The following NTM variants were observed in gnomAD, a reference collection of about 807,000 sequenced individuals.
NTM encodes the protein neurotrimin.
NTM carries 13 observed loss-of-function variants against 42.1 expected under a neutral mutation model. The ratio of observed to expected loss-of-function variants is 0.31; its 90% CI spans 0.20 to 0.49. The LOEUF (loss-of-function observed/expected upper bound fraction) is 0.49, where lower values mean the gene tolerates loss of function less well. NTM is among the 20% of genes least tolerant of loss of function. The pLI is 0.99. For missense variants in NTM, 373 were observed against 452.8 expected (o/e 0.82, Z 1.60); for synonymous variants, 187 against 179.2 (o/e 1.04, Z -0.35).
chr11:131,574,563 T>A (rs1309672702), intron 1 of NTM, among the ~76,000 whole-genome samples: 1 of 109,138 alleles, frequency 9.2e-6, no homozygotes, highest in African/African-American at 3.7e-5. Context: ...TGTGCTTGAG[T>A]GTGTGTGTGT....
At chr11:131,759,329 G>A (rs1204260014) in intron 1 of NTM, among the ~76,000 whole-genome samples, 1 of 152,172 alleles carries the variant, frequency 6.6e-6, no homozygotes. Flanking sequence ...TATTTCTGGG[G>A]CTGCAAAACC....
chr11:132,214,290 C>T (rs1260685484), intron 4 of NTM, among the ~76,000 whole-genome samples: 4 of 152,116 alleles, frequency 2.6e-5, no homozygotes, highest in East Asian at 1.9e-4. Flanking sequence ...CCAGTGCTGG[C>T]GGATGCCAGC....
chr11:131,888,556 G>T (rs1049212763), intron 1 of NTM, among the ~76,000 whole-genome samples: 11 of 151,932 alleles, frequency 7.2e-5, no homozygotes, highest in African/African-American at 2.7e-4. Context: ...GGTCTCTTGT[G>T]GTACCTGCCT....
chr11:132,050,259 G>A (rs1164577310), intron 2 of NTM, among the ~76,000 whole-genome samples: 1 of 152,306 alleles, frequency 6.6e-6, no homozygotes, highest in South Asian at 2.1e-4. Context: ...AGCAGCTGGA[G>A]AGGGAAGTTA....
At chr11:131,524,012 C>A (rs1266293039) in intron 1 of NTM, among the ~76,000 whole-genome samples, 1 of 152,070 alleles carries the variant, frequency 6.6e-6, no homozygotes, top group African/African-American at 2.4e-5. Flanking sequence ...AGCAATAATT[C>A]GGGTAGTGTG....
chr11:131,789,105 T>C (rs79511973), intron 1 of NTM, among the ~76,000 whole-genome samples: 4,748 of 152,142 alleles, frequency 0.031, 262 homozygotes, highest in African/African-American at 0.11. Flanking sequence ...CTTGACCGAA[T>C]ACAGGAGTCT....
intron 2 of NTM, among the ~76,000 whole-genome samples, chr11:131,963,404 G>A (rs1423634881): frequency 1.3e-5 from 2 of 152,154 alleles, no homozygotes; most frequent in Non-Finnish European, 2.9e-5. Flanking sequence ...TTGTTATACT[G>A]GGTGTTAAAG....
At chr11:132,181,124 A>G (rs990311742) in intron 3 of NTM, among the ~76,000 whole-genome samples, 1 of 152,146 alleles carries the variant, frequency 6.6e-6, no homozygotes, top group Admixed American at 6.5e-5. Context: ...AGTTGCTACC[A>G]CTGTCCTTAC....
Position 131,433,721 on chromosome 11 carries a change from T to C in NTM, c.82+62833T>C, listed in dbSNP as rs988028054. Among the ~76,000 whole-genome samples the C allele has an allele frequency of 6.6e-5, 10 of 152,202 alleles. 1 individual carries two copies. The highest frequency in any genetic ancestry group is 6.5e-4 in the Admixed American group (10 of 15,276). On this transcript the variant is annotated intron_variant, in intron 1 of 8. Transcript: ENST00000683400. The stretch of plus-strand genomic sequence containing the variant: ...TTGTATGAGTTCTAGATATTTTTTT[T>C]TCCTTAGGAAGATTTTAGGCCACTC...
intron 2 of NTM, among the ~76,000 whole-genome samples, chr11:132,144,778 C>A (rs1346972330): frequency 6.6e-6 from 1 of 152,182 alleles, no homozygotes. Flanking sequence ...AGAGAGCCCA[C>A]CTCTCATCTG....
intron 2 of NTM, among the ~76,000 whole-genome samples, chr11:131,999,995 T>C (rs1007744367): frequency 6.6e-6 from 1 of 152,120 alleles, no homozygotes; most frequent in Non-Finnish European, 1.5e-5. Context: ...TTCTTTTTCT[T>C]TTTTCCCCTT....
chr11:131,666,441 A>G (rs1437161463), intron 1 of NTM, among the ~76,000 whole-genome samples: 4 of 152,176 alleles, frequency 2.6e-5, no homozygotes. Context: ...TGACCATAAT[A>G]TACCACAAAT....
chr11:131,689,303 C>A (rs377202816), intron 1 of NTM, among the ~76,000 whole-genome samples: 1 of 152,184 alleles, frequency 6.6e-6, no homozygotes, highest in Non-Finnish European at 1.5e-5. Context: ...TGCCTCCCCA[C>A]CCAGTATTGC....
rs144172195 is a variant in NTM, at chr11:132,024,553, G to A, written c.167+112905G>A. 1.8e-3 allele frequency among the ~76,000 whole-genome samples: 277 copies of A among 152,114 alleles called. 5 individuals are homozygous for A. Among genetic ancestry groups the A allele is most frequent in the East Asian group, 9.6e-4 (5 of 5,184 alleles). ...GTTGGTTTTGTTTTTGAATAGTTTCGATCCCCAGTTGGTTGAATCTATGCA... is the reference window on the plus strand; with the variant it reads ...GTTGGTTTTGTTTTTGAATAGTTTCAATCCCCAGTTGGTTGAATCTATGCA... On this transcript the variant is annotated intron_variant, in intron 2 of 8. Coordinates refer to ENST00000683400, the MANE Select transcript of NTM (RefSeq NM_001352005.2).
intron 1 of NTM, among the ~76,000 whole-genome samples, chr11:131,444,203 C>CAAAAAAAAAAAAAAAAAA (rs71475757): frequency 2.0e-5 from 1 of 49,516 alleles, no homozygotes; most frequent in Non-Finnish European, 3.6e-5. Context: ...AGGTTAGAAC[C>CAAAAAAAAAAAAAAAAAA]AAAAAAAAAA....
chr11:131,873,162 C>A (rs1409388918), intron 1 of NTM, among the ~76,000 whole-genome samples: 1 of 152,136 alleles, frequency 6.6e-6, no homozygotes, highest in African/African-American at 2.4e-5. Context: ...CACATATACA[C>A]CATGGAATAC....
Position 132,291,588 on chromosome 11 carries a change from A to G in NTM, c.527-16101A>G, listed in dbSNP as rs183974436. Among the ~76,000 whole-genome samples, 243 of 152,328 alleles carry G rather than the reference A, an allele frequency of 1.6e-3. 4 individuals are homozygous for G. Among genetic ancestry groups the G allele is most frequent in the Admixed American group, 1.6e-3 (25 of 15,300 alleles). On this transcript the variant is annotated intron_variant, in intron 4 of 8. Transcript: ENST00000683400. ...GCCATAAACCTGAATGTTCAAAGCC[A>G]CAGAATAAATGATATTGCCTGGGAA...
At chr11:131,872,231 C>A (rs1323345741) in intron 1 of NTM, among the ~76,000 whole-genome samples, 1 of 152,166 alleles carries the variant, frequency 6.6e-6, no homozygotes, top group Non-Finnish European at 1.5e-5. Flanking sequence ...CTTGGGCCAG[C>A]CTTTAATTAA....
intron 1 of NTM, among the ~76,000 whole-genome samples, chr11:131,779,930 C>T (rs1044970064): frequency 5.3e-5 from 8 of 152,078 alleles, no homozygotes; most frequent in African/African-American, 1.9e-4. Flanking sequence ...CAAGGGGGAA[C>T]AGCACGGGTG....
Sources: allele counts gnomAD v4.1 joint callset (sites outside exome capture counted in the v4.1 genomes callset), GRCh38; gene constraint gnomAD v4.1.1; transcripts MANE v1.5; gene names NCBI Gene and HGNC (gene_info 2026-07-23, HGNC 2026-07-21).